ZCCHC7: variants seen among roughly 807,000 people sequenced by gnomAD.
ZCCHC7 encodes the protein zinc finger CCHC-type containing 7, also known as zinc finger CCHC domain-containing protein 7.
ZCCHC7 carries 35 observed loss-of-function variants against 52.0 expected under a neutral mutation model. That is an observed-to-expected ratio of 0.67 (90% CI 0.51 to 0.89). The LOEUF (loss-of-function observed/expected upper bound fraction) is 0.89. Ranked by LOEUF, ZCCHC7 falls within the 40% of genes least tolerant of loss-of-function variation. The pLI, the probability that ZCCHC7 is intolerant of heterozygous loss-of-function variation, is 0.00. For missense variants in ZCCHC7, 574 were observed against 649.1 expected (o/e 0.88, Z 1.26); for synonymous variants, 217 against 221.5 (o/e 0.98, Z 0.18).
At chr9:37,169,470 C>T (rs1047597743) in intron 2 of ZCCHC7, among the ~76,000 whole-genome samples, 3 of 152,210 alleles carry the variant, frequency 2.0e-5, no homozygotes, top group South Asian at 2.1e-4. Context: ...GCAAACTAGA[C>T]GTGCGCCAGC....
At chr9:37,190,468 T>C (rs776183162) in intron 2 of ZCCHC7, among the ~76,000 whole-genome samples, 4 of 152,216 alleles carry the variant, frequency 2.6e-5, no homozygotes, top group Non-Finnish European at 5.9e-5. Context: ...GGAAAAATAC[T>C]AAATCATCTG....
Position 37,357,249 on chromosome 9 carries a change from A to G in ZCCHC7, c.1613A>G (p.Gln538Arg), listed in dbSNP as rs752861719. The G allele has an allele frequency of 1.0e-5, 16 of 1,594,746 alleles. No individual in the cohort carries two copies. The highest frequency in any genetic ancestry group is 1.8e-5 in the Admixed American group (1 of 54,984). Residue 538 changes from glutamine to arginine, a missense_variant, in exon 9 of 9, where the codon CAG becomes CGG. Physicochemically the swap from Gln to Arg is conservative, Grantham distance 43. Around this residue, in one of 3 missense-constraint regions of ZCCHC7, gnomAD observed 168 missense variants for 171.6 expected, o/e 0.98. Coordinates refer to ENST00000336755, the MANE Select transcript of ZCCHC7 (RefSeq NM_032226.3). ...DDNDNLFLIK[Q>R]RKKKS ...AATGATAACTTATTTCTTATTAAGC[A>G]GAGAAAAAAAAAGTCTTAAGCCGTC...
At chr9:37,285,235 A>G (rs2133590556) in intron 2 of ZCCHC7, among the ~76,000 whole-genome samples, 1 of 152,274 alleles carries the variant, frequency 6.6e-6, no homozygotes, top group African/African-American at 2.4e-5. Flanking sequence ...GTAGGGCTAT[A>G]TTTATGTTCA....
chr9:37,289,370 C>G (rs914569052), intron 2 of ZCCHC7, among the ~76,000 whole-genome samples: 1 of 152,054 alleles, frequency 6.6e-6, no homozygotes, highest in Admixed American at 6.6e-5. Context: ...CGGCTGGTCT[C>G]GAACTACTGA....
chr9:37,323,074 G>T (rs565080154), intron 5 of ZCCHC7, among the ~76,000 whole-genome samples: 1 of 152,224 alleles, frequency 6.6e-6, no homozygotes, highest in African/African-American at 2.4e-5. Flanking sequence ...TTTTACCTAT[G>T]AGGAAACTGA....
intron 2 of ZCCHC7, among the ~76,000 whole-genome samples, chr9:37,165,182 CT>C (rs1275340672): frequency 6.6e-6 from 1 of 152,142 alleles, no homozygotes; most frequent in Non-Finnish European, 1.5e-5. Flanking sequence ...ATTCCTATAA[CT>C]TTGCTGAAAT....
intron 5 of ZCCHC7, among the ~76,000 whole-genome samples, chr9:37,324,363 G>T (rs2118081187): frequency 6.6e-6 from 1 of 152,346 alleles, no homozygotes; most frequent in East Asian, 1.9e-4. Flanking sequence ...AGCAGTGGCG[G>T]TGTTCAGCAT....
intron 2 of ZCCHC7, among the ~76,000 whole-genome samples, chr9:37,215,822 A>G (rs540206459): frequency 1.3e-4 from 20 of 152,322 alleles, no homozygotes; most frequent in Non-Finnish European, 2.1e-4. Flanking sequence ...GCTGTAAATA[A>G]AAGCTGTAAA....
At chr9:37,239,626 A>AT (rs1015274313) in intron 2 of ZCCHC7, among the ~76,000 whole-genome samples, 1 of 152,070 alleles carries the variant, frequency 6.6e-6, no homozygotes, top group African/African-American at 2.4e-5. Context: ...CCACACTGTC[A>AT]TTTTTTTATT....
intron 2 of ZCCHC7, among the ~76,000 whole-genome samples, chr9:37,188,264 C>T (rs999634242): frequency 5.3e-5 from 8 of 152,132 alleles, no homozygotes; most frequent in Non-Finnish European, 1.2e-4. Context: ...CCTCCTGCCT[C>T]CACCTTCAGA....
At chr9:37,248,382 T>C (rs1217159717) in intron 2 of ZCCHC7, among the ~76,000 whole-genome samples, 5 of 152,222 alleles carry the variant, frequency 3.3e-5, no homozygotes, top group Admixed American at 3.3e-4. Context: ...TAAAATGATG[T>C]TATTGCAGTT....
chr9:37,327,273 T>G (rs539364205), intron 5 of ZCCHC7: 1 of 152,226 alleles, frequency 6.6e-6, no homozygotes, highest in African/African-American at 2.4e-5. Context: ...CTTGCAGTCG[T>G]TTTTGTTCTT....
chr9:37,171,536 GCCT>G (rs1428233430), intron 2 of ZCCHC7, among the ~76,000 whole-genome samples: 2 of 152,104 alleles, frequency 1.3e-5, no homozygotes, highest in Non-Finnish European at 2.9e-5. Flanking sequence ...TCCTCCCTCA[GCCT>G]CCTGAGTAGC....
intron 2 of ZCCHC7, among the ~76,000 whole-genome samples, chr9:37,179,594 C>T (rs1171362384): frequency 1.3e-5 from 2 of 152,170 alleles, no homozygotes; most frequent in Non-Finnish European, 2.9e-5. Context: ...TAATACCTCT[C>T]TAATTTCGAG....
intron 2 of ZCCHC7, among the ~76,000 whole-genome samples, chr9:37,138,036 C>G (rs1843071982): frequency 6.6e-6 from 1 of 152,200 alleles, no homozygotes. Context: ...GGAGCTCCCT[C>G]TCTGATGTTT....
chr9:37,164,041 G>T (rs2132926800), intron 2 of ZCCHC7, among the ~76,000 whole-genome samples: 1 of 151,724 alleles, frequency 6.6e-6, no homozygotes, highest in African/African-American at 2.4e-5. Context: ...TGATTCTGTA[G>T]CTTTATAATT....
At chr9:37,162,582 ATATT>A (rs2132913581) in intron 2 of ZCCHC7, among the ~76,000 whole-genome samples, 1 of 152,328 alleles carries the variant, frequency 6.6e-6, no homozygotes, top group African/African-American at 2.4e-5. Flanking sequence ...TTTTTATTAT[ATATT>A]GATTGTGGTT....
chr9:37,355,139 A>T (rs1020924658), intron 8 of ZCCHC7, among the ~76,000 whole-genome samples: 1 of 151,280 alleles, frequency 6.6e-6, no homozygotes, highest in African/African-American at 2.4e-5. Flanking sequence ...ACAGGTAATT[A>T]TTTTTTTTTC....
chr9:37,137,321 T>A (rs1321043468), intron 2 of ZCCHC7, among the ~76,000 whole-genome samples: 2 of 152,184 alleles, frequency 1.3e-5, no homozygotes, highest in Non-Finnish European at 2.9e-5. Flanking sequence ...AAGGAACCCT[T>A]TGAATTTGAG....
Sources: gnomAD v4.1 joint callset for allele counts (sites outside exome capture counted in the v4.1 genomes callset) on GRCh38, gnomAD v4.1.1 for gene constraint, gnomAD v4.1.1 regional missense constraint, MANE v1.5 for transcripts, NCBI Gene and HGNC (gene_info 2026-07-23, HGNC 2026-07-21) for gene names.